The following BCAN variants were observed in gnomAD, a reference collection of about 807,000 sequenced individuals.
BCAN encodes the protein brevican core protein.
Under a neutral mutation model 92.4 loss-of-function variants are expected in BCAN, and 51 were observed. The ratio of observed to expected loss-of-function variants is 0.55; its 90% CI spans 0.44 to 0.70. The LOEUF (loss-of-function observed/expected upper bound fraction) is 0.70, where lower values mean the gene tolerates loss of function less well. BCAN is among the 30% of genes least tolerant of loss of function. The pLI, the probability that BCAN is intolerant of heterozygous loss-of-function variation, is 0.00. For synonymous variants in BCAN, 501 were observed against 505.2 expected, an observed-to-expected ratio of 0.99 and a Z score of 0.11; for missense variants, 1,140 against 1,212.1, an observed-to-expected ratio of 0.94 and a Z score of 0.88.
rs768651195 is a variant in BCAN, at chr1:156,658,628, C to T, written c.2523C>T (p.Arg841=). 9.9e-6 allele frequency: 16 copies of T among 1,614,152 alleles called. No homozygotes were observed. The highest frequency in any genetic ancestry group is 1.3e-5 in the Non-Finnish European group (15 of 1,180,044). The change falls in exon 13 of 14, where the codon CGC becomes CGT. Residue 841 remains arginine (R), a synonymous_variant. Coordinates refer to ENST00000329117, the MANE Select transcript of BCAN (RefSeq NM_021948.5). This position sits in a 1 kb window ranked among gnomAD's most constrained non-coding sequence, Gnocchi z 4.4. ...RLRYEVDTVL[R]YRCREGLAQR... ...GCTATGAGGTGGACACTGTGCTTCG[C>T]TACCGGTGCCGGGAAGGACTGGCCC... is the stretch of plus-strand genomic sequence containing the variant.
Position 156,655,855 on chromosome 1 carries a change from G to C in BCAN, c.1943-427G>C, listed in dbSNP as rs140537266. On this transcript the variant is annotated intron_variant, in intron 8 of 13. Coordinates refer to ENST00000329117, the MANE Select transcript of BCAN (RefSeq NM_021948.5). ...GTGCTGGGACCTGGCACAAAGACAA[G>C]GGGGTGTGGCACTAAACTCCAAGCC... 3.5e-3 allele frequency among the ~76,000 whole-genome samples: 528 copies of C among 152,366 alleles called. 3 individuals are homozygous for C. Among genetic ancestry groups the C allele is most frequent in the Non-Finnish European group, 5.7e-3 (389 of 68,026 alleles).
rs1320923570 is a variant in BCAN, at chr1:156,654,989, C to T, written c.1943-1293C>T. On this transcript the variant is annotated intron_variant, in intron 8 of 13. Transcript: ENST00000329117. ...TCTCCTCTCTCCACCCCTACTGATT[C>T]CCACCAGGCAGTGGGACCTGTGGCC... Among the ~76,000 whole-genome samples the T allele has an allele frequency of 2.0e-5, 3 of 152,242 alleles. No individual in the cohort carries two copies. The East Asian group carries it at 5.8e-4, about 29-fold the overall frequency.
At position 156,646,707 on chromosome 1, in the gene BCAN, G is replaced by A. The variant is rs898496431; in HGVS notation, c.92-94G>A. 3.6e-5 allele frequency: 53 copies of A among 1,485,516 alleles called. No homozygotes were observed. The East Asian group carries it at 1.1e-3, about 30-fold the overall frequency. The allele number at this position is 1,485,516 out of a possible 1,614,324, so 92.0% of individuals were successfully genotyped here. A position where few individuals can be genotyped will look rare whatever the true frequency, so the allele number is the denominator to read the frequency against. On this transcript the variant is annotated intron_variant, in intron 2 of 13. Transcript: ENST00000329117. ...AGGGGGGCCGGGGAATCCTGGGGCC[G>A]GAAGGAGGGATCCTGGAGCGGGGCT...
intron 1 of BCAN, chr1:156,644,418 C>T (rs1678894510): frequency 6.6e-6 from 1 of 152,516 alleles, no homozygotes; most frequent in Non-Finnish European, 1.5e-5. Flanking sequence ...AAACAGTCTT[C>T]CCAGCACCCG....
At chr1:156,656,536 A>G (rs1679334585) in intron 9 of BCAN, 147 bp downstream of exon 9, 6 of 598,654 alleles carry the variant, frequency 1.0e-5, no homozygotes, top group Non-Finnish European at 1.6e-5. Flanking sequence ...TTTGAGTCCT[A>G]CCCTCAATTT....
At chr1:156,655,074 T>TG (rs1183843726) in intron 8 of BCAN, among the ~76,000 whole-genome samples, 2 of 152,214 alleles carry the variant, frequency 1.3e-5, no homozygotes, top group Non-Finnish European at 2.9e-5. Context: ...TGGTAAAGTC[T>TG]GAAGGGTTCT....
rs764487094 is a variant in BCAN at position 156,656,935 on chromosome 1, C to G, written c.2051-3C>G. ...CTAAGATGCCCGCCCTTATGTGCCGCAGGCCTCCGCTTCTGCAACCCCGGC... is the reference window on the plus strand; with the variant it reads ...CTAAGATGCCCGCCCTTATGTGCCGGAGGCCTCCGCTTCTGCAACCCCGGC... On this transcript the variant is annotated splice_region_variant and splice_polypyrimidine_tract_variant and intron_variant, in intron 9 of 13. Transcript: ENST00000329117. 1.2e-6 allele frequency: 2 copies of G among 1,613,090 alleles called. No individual in the cohort carries two copies. The highest frequency in any genetic ancestry group is 2.2e-5 in the South Asian group (2 of 91,040).
At chr1:156,649,915 G>A (rs1160833669) in intron 6 of BCAN, 2 of 519,040 alleles carry the variant, frequency 3.9e-6, no homozygotes, top group East Asian at 5.4e-5. Context: ...GGAGCACTTG[G>A]TCTGAAGGAT....
chr1:156,656,469 C>A (rs1202900963), intron 9 of BCAN, 80 bp downstream of exon 9: 2 of 1,163,556 alleles, frequency 1.7e-6, no homozygotes, highest in Non-Finnish European at 2.3e-6. Context: ...GGAGGGAGAA[C>A]ATTGGTTTTG....
intron 11 of BCAN, 103 bp downstream of exon 11, chr1:156,657,860 G>T: frequency 2.9e-6 from 3 of 1,023,282 alleles, no homozygotes; most frequent in Non-Finnish European, 2.8e-6. Flanking sequence ...TCTTTTTCCG[G>T]CCTCCTTCCC....
At chr1:156,656,070 C>T (rs11264512) in intron 8 of BCAN, among the ~76,000 whole-genome samples, 6,581 of 152,210 alleles carry the variant, frequency 0.043, 507 homozygotes, top group African/African-American at 0.15. Context: ...TGAGCCAATG[C>T]TGAAGTCGGG....
chr1:156,650,995 C>T (rs959979061), intron 6 of BCAN, among the ~76,000 whole-genome samples: 20 of 152,136 alleles, frequency 1.3e-4, no homozygotes, highest in Admixed American at 5.2e-4. Context: ...TGCCCCAAGC[C>T]CAAGATCACA....
At position 156,656,299 on chromosome 1, in the gene BCAN, C is replaced by G; in HGVS notation, c.1960C>G (p.Pro654Ala). 1 of 1,456,856 alleles carries G rather than the reference C, an allele frequency of 6.9e-7. No homozygotes were observed. The allele number at this position is 1,456,856 out of a possible 1,614,324, so 90.2% of individuals were successfully genotyped here. A position where few individuals can be genotyped will look rare whatever the true frequency, so the allele number is the denominator to read the frequency against. Reference sequence around the variant, plus strand: ...CCTCTCAGGTGACTGTGTCCCCAGCCCCTGCCACAATGGTGGGACATGCTT... The same window carrying G: ...CCTCTCAGGTGACTGTGTCCCCAGCGCCTGCCACAATGGTGGGACATGCTT... ...VPASGDCVPSPCHNGGTCLEE... is the reference protein window; with the variant it reads ...VPASGDCVPSACHNGGTCLEE... Residue 654 changes from proline to alanine, a missense_variant, in exon 9 of 14, where the codon CCC becomes GCC. Transcript: ENST00000329117.
chr1:156,651,898 G>GC (rs3216043), intron 7 of BCAN, among the ~76,000 whole-genome samples: 16,572 of 152,176 alleles, frequency 0.11, 1,559 homozygotes, highest in African/African-American at 0.26. Flanking sequence ...AGCTAGAGAT[G>GC]CTTGCACTAA....
Position 156,652,317 on chromosome 1 carries a change from A to G in BCAN, c.1367A>G (p.Glu456Gly), listed in dbSNP as rs1038040706. ...SEEEGKALEE[E>G]EKYEDEEEKE... ...GAGGAAGGTAAGGCATTGGAGGAAGAAGAGAAATATGAAGATGAAGAAGAG... is the reference window on the plus strand; with the variant it reads ...GAGGAAGGTAAGGCATTGGAGGAAGGAGAGAAATATGAAGATGAAGAAGAG... The change falls in exon 8 of 14, where the codon GAA becomes GGA. Residue 456 changes from glutamate to glycine, a missense_variant. Glu to Gly is a moderately conservative substitution (Grantham distance 98). Transcript: ENST00000329117. 6 of 1,613,786 alleles carry G rather than the reference A, an allele frequency of 3.7e-6. No homozygotes were observed. Among genetic ancestry groups the G allele is most frequent in the Non-Finnish European group, 5.1e-6 (6 of 1,179,870 alleles).
chr1:156,645,172 T>TC (rs5777996), intron 1 of BCAN, among the ~76,000 whole-genome samples: 30,254 of 151,516 alleles, frequency 0.2, 3,046 homozygotes, highest in South Asian at 0.26. Flanking sequence ...CCATTTATTC[T>TC]CCCCCCCCTT....
chr1:156,655,580 C>T (rs984676505), intron 8 of BCAN, among the ~76,000 whole-genome samples: 2 of 152,176 alleles, frequency 1.3e-5, no homozygotes, highest in African/African-American at 2.4e-5. Context: ...GGAGCTGCTG[C>T]GACTTAGTTC....
At chr1:156,646,733 T>G in intron 2 of BCAN, 68 bp from the exon 3 acceptor site, 1 of 1,503,178 alleles carries the variant, frequency 6.7e-7, no homozygotes, top group Non-Finnish European at 8.9e-7. Flanking sequence ...GAGCGGGGCT[T>G]GGAGGCCACC....
At chr1:156,654,312 C>T (rs1302390342) in intron 8 of BCAN, among the ~76,000 whole-genome samples, 1 of 152,132 alleles carries the variant, frequency 6.6e-6, no homozygotes, top group East Asian at 1.9e-4. Context: ...TGAGTCCCAC[C>T]CAGGCTTACC....
Sources: allele counts gnomAD v4.1 joint callset (sites outside exome capture counted in the v4.1 genomes callset), GRCh38; gene constraint gnomAD v4.1.1; non-coding constraint Gnocchi (gnomAD v3.1); transcripts MANE v1.5; gene names NCBI Gene and HGNC (gene_info 2026-07-23, HGNC 2026-07-21).